The following PTGER3 variants were observed in gnomAD, a reference collection of about 807,000 sequenced individuals.
PTGER3 encodes the protein prostaglandin E receptor 3.
A neutral mutation model predicts 34.7 loss-of-function variants in PTGER3; 22 were observed. The ratio of observed to expected loss-of-function variants is 0.63; its 90% CI spans 0.45 to 0.91. PTGER3 has a LOEUF of 0.91. PTGER3 is among the 40% of genes least tolerant of loss of function. The pLI is 0.00. For synonymous variants in PTGER3, 241 were observed against 230.1 expected (o/e 1.05, Z -0.43); for missense variants, 468 against 519.4 (o/e 0.90, Z 0.96).
At chr1:71,040,044 A>G (rs1573004223) in intron 1 of PTGER3, among the ~76,000 whole-genome samples, 1 of 151,554 alleles carries the variant, frequency 6.6e-6, no homozygotes, top group East Asian at 1.9e-4. Flanking sequence ...TCAGAAAGAA[A>G]GAGAGAGAGA....
At chr1:71,031,698 C>G (rs915926338) in intron 1 of PTGER3, among the ~76,000 whole-genome samples, 3 of 152,178 alleles carry the variant, frequency 2.0e-5, no homozygotes, top group Non-Finnish European at 4.4e-5. Context: ...TGGGTCTTGC[C>G]TGTTTTCCAA....
intron 4 of PTGER3, among the ~76,000 whole-genome samples, chr1:70,889,381 C>T (rs1044634485): frequency 2.1e-5 from 3 of 144,140 alleles, no homozygotes; most frequent in Admixed American, 7.1e-5. Context: ...CGCCACTGCA[C>T]TCCAGCCTGG....
At chr1:70,979,735 C>T (rs1345434463) in intron 2 of PTGER3, among the ~76,000 whole-genome samples, 2 of 152,118 alleles carry the variant, frequency 1.3e-5, no homozygotes, top group Non-Finnish European at 2.9e-5. Flanking sequence ...CTTCGTGAGA[C>T]TCTGATCAAC....
At chr1:70,872,923 A>T (rs557383454) in intron 4 of PTGER3, among the ~76,000 whole-genome samples, 6 of 152,170 alleles carry the variant, frequency 3.9e-5, no homozygotes, top group Non-Finnish European at 8.8e-5. Context: ...CCACTAACAC[A>T]TAACACCTCC....
chr1:71,042,240 T>G (rs1221832697), intron 1 of PTGER3, among the ~76,000 whole-genome samples: 1 of 149,412 alleles, frequency 6.7e-6, no homozygotes, highest in Non-Finnish European at 1.5e-5. Flanking sequence ...AAAACATCAT[T>G]CCCATTGATC....
At chr1:70,949,638 A>T (rs1650556924), downstream of PTGER3, among the ~76,000 whole-genome samples, 1 of 152,204 alleles carries the variant, frequency 6.6e-6, no homozygotes, top group African/African-American at 2.4e-5. Context: ...ATTTTTACTG[A>T]GACTTAACTT....
At chr1:70,886,404 A>G in intron 4 of PTGER3, 1 of 370,384 alleles carries the variant, frequency 2.7e-6, no homozygotes. Flanking sequence ...ACTGACCAAA[A>G]CAGGGATACA....
At chr1:71,000,920 G>C (rs1656414949) in intron 2 of PTGER3, among the ~76,000 whole-genome samples, 1 of 152,150 alleles carries the variant, frequency 6.6e-6, no homozygotes, top group South Asian at 2.1e-4. Context: ...TGGGAGAATG[G>C]GTGAGGAGAG....
At chr1:70,860,620 C>A (rs1645907015) in intron 4 of PTGER3, among the ~76,000 whole-genome samples, 1 of 152,124 alleles carries the variant, frequency 6.6e-6, no homozygotes, top group African/African-American at 2.4e-5. Context: ...AAGAATTTAT[C>A]TCTTTTTTAT....
chr1:71,047,007 G>A lies in PTGER3; in HGVS notation c.571C>T (p.Leu191=), dbSNP rs773479552. The change falls in exon 1 of 4, where the codon CTG becomes TTG. Residue 191 remains leucine, a synonymous_variant. Coordinates refer to ENST00000306666, the MANE Select transcript of PTGER3 (RefSeq NM_198719.2). ...TACTGGCCCACGCCCAGCACCGGCA[G>A]CAGGGCGAAGGCGAGCACGGCCAGC... ...VWLAVLAFAL[L]PVLGVGQYTV... is the part of the protein sequence containing the mutation. 40 of 1,611,348 alleles carry A rather than the reference G, an allele frequency of 2.5e-5. No homozygotes were observed. In the South Asian group the frequency reaches 2.6e-4, roughly 11 times the overall value.
intron 2 of PTGER3, chr1:71,010,974 G>T: frequency 1.0e-6 from 1 of 985,688 alleles, no homozygotes; most frequent in Non-Finnish European, 1.2e-6. Context: ...GCAAGAAACT[G>T]CAAATGAAAA....
chr1:71,044,177 C>T (rs796447167), intron 1 of PTGER3, among the ~76,000 whole-genome samples: 23 of 151,028 alleles, frequency 1.5e-4, no homozygotes, highest in African/African-American at 5.6e-4. Flanking sequence ...TGGCTCATGC[C>T]TGTAATCCCA....
At chr1:70,950,375 TA>T (rs1028900500), downstream of PTGER3, among the ~76,000 whole-genome samples, 1 of 152,178 alleles carries the variant, frequency 6.6e-6, no homozygotes, top group African/African-American at 2.4e-5. Context: ...AAACAGACTC[TA>T]AAATAATTCA....
At chr1:71,015,723 C>CA (rs1208417136) in intron 1 of PTGER3, among the ~76,000 whole-genome samples, 2 of 151,952 alleles carry the variant, frequency 1.3e-5, no homozygotes, top group Admixed American at 6.6e-5. Flanking sequence ...AATTATATAA[C>CA]AAAAAAGCAG....
downstream of PTGER3, chr1:70,950,607 C>T (rs2100581367): frequency 6.6e-6 from 1 of 152,310 alleles, no homozygotes; most frequent in African/African-American, 2.4e-5. Flanking sequence ...AGTGGGGATT[C>T]TGTTCTACAG....
At chr1:70,854,066 T>C (rs1336666940) in intron 4 of PTGER3, among the ~76,000 whole-genome samples, 2 of 152,166 alleles carry the variant, frequency 1.3e-5, no homozygotes, top group African/African-American at 4.8e-5. Flanking sequence ...GATTTGGCAA[T>C]GTTTTCTTGG....
chr1:70,974,369 T>TTGTTTG lies in PTGER3; in HGVS notation c.1091_1096dup (p.Thr364_Asn365dup). On this transcript the variant is annotated inframe_insertion, in exon 3 of 4. Transcript: ENST00000306666. ...TAAGGAGGTGGAGCTGGATGCATAGTTGTTTGTGTGGTACCTGATCTGTGA... is the reference window on the plus strand; with the variant it reads ...TAAGGAGGTGGAGCTGGATGCATAGTTGTTTGTGTTTGTGTGGTACCTGATCTGTGA... The TTGTTTG allele has an allele frequency of 9.0e-7, 1 of 1,116,062 alleles. No homozygotes were observed. Among genetic ancestry groups the TTGTTTG allele is most frequent in the Non-Finnish European group, 1.4e-6 (1 of 725,034 alleles). The allele number at this position is 1,116,062 out of a possible 1,614,324, so 69.1% of individuals were successfully genotyped here.
chr1:70,975,136 A>G (rs1472184307), intron 2 of PTGER3, among the ~76,000 whole-genome samples: 1 of 152,148 alleles, frequency 6.6e-6, no homozygotes, highest in East Asian at 1.9e-4. Flanking sequence ...TTGATGTGTC[A>G]TTGTACCTAA....
chr1:70,866,538 T>G (rs1047440956), intron 4 of PTGER3, among the ~76,000 whole-genome samples: 2 of 152,230 alleles, frequency 1.3e-5, no homozygotes, highest in African/African-American at 4.8e-5. Context: ...AATGATATGC[T>G]CATCTCTGTG....
Sources: gnomAD v4.1 joint callset for allele counts (sites outside exome capture counted in the v4.1 genomes callset) on GRCh38, gnomAD v4.1.1 for gene constraint, MANE v1.5 for transcripts, NCBI Gene and HGNC (gene_info 2026-07-23, HGNC 2026-07-21) for gene names.